Variants in NOX3 observed in about 807,000 individuals in gnomAD.
NOX3 encodes the protein NADPH oxidase 3, also known as NADPH oxidase catalytic subunit-like 3.
Under a neutral mutation model 76.7 loss-of-function variants are expected in NOX3, and 74 were observed. That is an observed-to-expected ratio of 0.96 (90% confidence interval 0.80 to 1.17). The LOEUF is 1.17. NOX3 is among the 50% of genes most tolerant of loss of function. The probability of loss-of-function intolerance (pLI) is 0.00; values close to 1 mark genes in which losing one functional copy is unlikely to be tolerated. For synonymous variants in NOX3, 263 were observed against 261.1 expected (o/e 1.01, Z -0.07); for missense variants, 695 against 703.3 (o/e 0.99, Z 0.13).
chr6:155,446,292 C>T (rs931335394), intron 4 of NOX3, among the ~76,000 whole-genome samples: 5 of 152,064 alleles, frequency 3.3e-5, no homozygotes, highest in Non-Finnish European at 7.4e-5. Flanking sequence ...ATGCTACATG[C>T]AAAATGGAAA....
chr6:155,437,196 A>G (rs1776915672), intron 6 of NOX3, among the ~76,000 whole-genome samples: 1 of 152,218 alleles, frequency 6.6e-6, no homozygotes, highest in Non-Finnish European at 1.5e-5. Context: ...TATATTTGCC[A>G]TGAGTGCACT....
At chr6:155,420,900 A>G (rs1180461910) in intron 10 of NOX3, among the ~76,000 whole-genome samples, 2 of 152,104 alleles carry the variant, frequency 1.3e-5, no homozygotes, top group African/African-American at 2.4e-5. Flanking sequence ...CTGTATACAC[A>G]TTTCTATGGT....
chr6:155,453,827 A>G (rs112379783), intron 3 of NOX3, among the ~76,000 whole-genome samples: 14 of 152,314 alleles, frequency 9.2e-5, no homozygotes, highest in African/African-American at 2.6e-4. Flanking sequence ...TAGTCTGAAA[A>G]TTATTCCTAC....
intron 11 of NOX3, among the ~76,000 whole-genome samples, chr6:155,409,045 G>A (rs555654811): frequency 7.0e-4 from 107 of 152,106 alleles, no homozygotes; most frequent in Admixed American, 1.6e-3. Flanking sequence ...ACCAGTATGC[G>A]CTATACCCAT....
intron 10 of NOX3, among the ~76,000 whole-genome samples, chr6:155,418,760 G>A (rs1216144371): frequency 1.3e-5 from 2 of 152,228 alleles, no homozygotes. Flanking sequence ...ATGCAACAGA[G>A]GAGAAGGGTA....
chr6:155,446,666 T>C (rs935177805), intron 4 of NOX3, among the ~76,000 whole-genome samples: 2 of 152,200 alleles, frequency 1.3e-5, no homozygotes, highest in Admixed American at 6.5e-5. Context: ...AAAACTAGTT[T>C]TTTCTATGGG....
chr6:155,420,954 G>A (rs957573052), intron 10 of NOX3, among the ~76,000 whole-genome samples: 3 of 152,184 alleles, frequency 2.0e-5, no homozygotes, highest in Non-Finnish European at 4.4e-5. Context: ...AAAACTCCCT[G>A]TTGGATATGG....
chr6:155,399,685 AGAGAATC>A (rs1779196763), intron 12 of NOX3, among the ~76,000 whole-genome samples: 1 of 151,750 alleles, frequency 6.6e-6, no homozygotes, highest in South Asian at 2.1e-4. Context: ...ATCACAGGGC[AGAGAATC>A]CAAGCCAAGT....
At chr6:155,435,409 G>C (rs57428179) in intron 7 of NOX3, among the ~76,000 whole-genome samples, 1,638 of 152,168 alleles carry the variant, frequency 0.011, 33 homozygotes, top group African/African-American at 0.038. Context: ...ATCTATACCG[G>C]CCATTAAAAG....
chr6:155,411,373 A>G lies in NOX3; in HGVS notation c.1309-13T>C. On this transcript the variant is annotated splice_polypyrimidine_tract_variant and intron_variant, in intron 10 of 13. Transcript: ENST00000159060. ...AGTAGAAATACACCTGTCAAGAGAG[A>G]AGGCAAGTGAACGGATCTATTCTCT... 6.2e-7 allele frequency: 1 copy of G among 1,610,702 alleles called. No homozygotes were observed. Among genetic ancestry groups the G allele is most frequent in the South Asian group, 1.1e-5 (1 of 90,406 alleles).
chr6:155,455,619 T>C (rs141836559), intron 1 of NOX3, 134 bp downstream of exon 1: 218 of 610,976 alleles, frequency 3.6e-4, no homozygotes, highest in African/African-American at 3.3e-3. Flanking sequence ...ATCTACTGAA[T>C]GTTTTCTAAC....
chr6:155,440,896 C>T (rs1236933823), intron 5 of NOX3, among the ~76,000 whole-genome samples: 1 of 152,146 alleles, frequency 6.6e-6, no homozygotes, highest in African/African-American at 2.4e-5. Flanking sequence ...AGCAGCTGCA[C>T]ACTCAGTTCC....
chr6:155,401,067 T>G (rs994744978), intron 12 of NOX3, among the ~76,000 whole-genome samples: 3 of 152,170 alleles, frequency 2.0e-5, no homozygotes, highest in African/African-American at 7.2e-5. Flanking sequence ...GTAACATATA[T>G]ATGCCTTCAT....
rs750022977 is a variant in NOX3 at position 155,411,375 on chromosome 6, G to C, written c.1309-15C>G. The C allele has an allele frequency of 1.2e-6, 2 of 1,610,346 alleles. No individual in the cohort carries two copies. Among genetic ancestry groups the C allele is most frequent in the Non-Finnish European group, 1.7e-6 (2 of 1,178,300 alleles). The stretch of plus-strand genomic sequence containing the variant: ...TAGAAATACACCTGTCAAGAGAGAA[G>C]GCAAGTGAACGGATCTATTCTCTTT... On this transcript the variant is annotated splice_polypyrimidine_tract_variant and intron_variant, in intron 10 of 13. Coordinates refer to ENST00000159060, the MANE Select transcript of NOX3 (RefSeq NM_015718.3).
Position 155,428,957 on chromosome 6 carries a change from G to A in NOX3, c.982C>T (p.Pro328Ser). ...APGQYILVQCPAISSLEWHPF... is the reference protein window; with the variant it reads ...APGQYILVQCSAISSLEWHPF... ...TGCCACTCCAGCGAAGATATGGCTG[G>A]GCACTGCACCAAGATGTACTGCCCT... The change falls in exon 9 of 14, where the codon CCA becomes TCA. Residue 328 changes from proline to serine, a missense_variant. Physicochemically the swap from Pro to Ser is moderately conservative, Grantham distance 74. Transcript: ENST00000159060. 1 of 1,613,846 alleles carries A rather than the reference G, an allele frequency of 6.2e-7. No homozygotes were observed. Among genetic ancestry groups the A allele is most frequent in the East Asian group, 2.2e-5 (1 of 44,874 alleles).
At chr6:155,429,918 C>G (rs562287521) in intron 8 of NOX3, among the ~76,000 whole-genome samples, 10 of 152,186 alleles carry the variant, frequency 6.6e-5, no homozygotes, top group African/African-American at 2.4e-4. Context: ...AATGGTCTCC[C>G]TCGTAACAGC....
At chr6:155,422,969 G>T in intron 9 of NOX3, 113 bp from the exon 10 acceptor site, 1 of 1,049,424 alleles carries the variant, frequency 9.5e-7, no homozygotes. Flanking sequence ...TGCATGCAGA[G>T]GTTGACTCTG....
At chr6:155,451,504 G>C (rs746942613) in intron 4 of NOX3, among the ~76,000 whole-genome samples, 2 of 152,120 alleles carry the variant, frequency 1.3e-5, no homozygotes, top group African/African-American at 4.8e-5. Context: ...TTCATTATAC[G>C]TTTCTAATGC....
At chr6:155,425,867 T>C (rs897410970) in intron 9 of NOX3, among the ~76,000 whole-genome samples, 7 of 152,182 alleles carry the variant, frequency 4.6e-5, no homozygotes, top group African/African-American at 1.7e-4. Flanking sequence ...GAAGGTCTAG[T>C]CTTTTGAAAG....
Sources: gnomAD v4.1 joint callset for allele counts (sites outside exome capture counted in the v4.1 genomes callset) on GRCh38, gnomAD v4.1.1 for gene constraint, MANE v1.5 for transcripts, NCBI Gene and HGNC (gene_info 2026-07-23, HGNC 2026-07-21) for gene names.